The following PRKAR1B variants were observed in gnomAD, a reference collection of about 807,000 sequenced individuals.
PRKAR1B encodes the protein cAMP-dependent protein kinase type I-beta regulatory subunit.
PRKAR1B carries 22 observed loss-of-function variants against 46.5 expected under a neutral mutation model. That is an observed-to-expected ratio of 0.47 (90% CI 0.34 to 0.68). The LOEUF (loss-of-function observed/expected upper bound fraction) is 0.68, where lower values mean the gene tolerates loss of function less well. Among genes scored for constraint, PRKAR1B ranks in the 30% least tolerant of loss-of-function variants. The probability of loss-of-function intolerance (pLI) is 0.01; values close to 1 mark genes in which losing one functional copy is unlikely to be tolerated. For missense variants in PRKAR1B, 445 were observed against 535.6 expected, an observed-to-expected ratio of 0.83 and a Z score of 1.67; for synonymous variants, 259 against 217.7, an observed-to-expected ratio of 1.19 and a Z score of -1.67.
At chr7:606,767 CGTGTGTGTGTGT>C (rs71546453) in intron 5 of PRKAR1B, among the ~76,000 whole-genome samples, 1 of 148,280 alleles carries the variant, frequency 6.7e-6, no homozygotes, top group South Asian at 2.2e-4. Flanking sequence ...GAATTTTATG[CGTGTGTGTGTGT>C]GTGTGTGTGT....
chr7:559,447 G>T (rs2128424272), intron 9 of PRKAR1B, among the ~76,000 whole-genome samples: 1 of 152,324 alleles, frequency 6.6e-6, no homozygotes. Flanking sequence ...TCTCAGGGCT[G>T]GTGGTCGCAC....
At chr7:563,532 G>A (rs1322390379) in intron 9 of PRKAR1B, among the ~76,000 whole-genome samples, 2 of 152,262 alleles carry the variant, frequency 1.3e-5, no homozygotes, top group Non-Finnish European at 2.9e-5. Context: ...TCTGCACGCT[G>A]GGTGTGTGTG....
intron 9 of PRKAR1B, among the ~76,000 whole-genome samples, chr7:554,853 C>T (rs1401740859): frequency 1.3e-5 from 2 of 152,118 alleles, no homozygotes; most frequent in African/African-American, 2.4e-5. Context: ...CCACGGATCC[C>T]ACAGAGCCGG....
chr7:665,996 C>T (rs538166665), intron 4 of PRKAR1B, among the ~76,000 whole-genome samples: 3 of 152,342 alleles, frequency 2.0e-5, no homozygotes, highest in African/African-American at 7.2e-5. Flanking sequence ...GGAAGGCCGC[C>T]TCAAGGGTGA....
intron 6 of PRKAR1B, among the ~76,000 whole-genome samples, chr7:596,796 C>T (rs1352100808): frequency 6.6e-6 from 1 of 152,250 alleles, no homozygotes; most frequent in Non-Finnish European, 1.5e-5. Flanking sequence ...TCCTCTGTCC[C>T]CACCTCCACC....
chr7:722,916 G>C (rs1229615677), intron 1 of PRKAR1B, among the ~76,000 whole-genome samples: 1 of 151,104 alleles, frequency 6.6e-6, no homozygotes, highest in Admixed American at 6.6e-5. Context: ...TGTTTTTGTG[G>C]TCTGTCATTC....
chr7:673,927 C>T (rs997347645), intron 4 of PRKAR1B, among the ~76,000 whole-genome samples: 6 of 152,230 alleles, frequency 3.9e-5, no homozygotes, highest in Non-Finnish European at 7.3e-5. Context: ...CGGCCCTCCT[C>T]GGCGTGTGCC....
intron 7 of PRKAR1B, among the ~76,000 whole-genome samples, chr7:587,100 AT>A (rs1480078507): frequency 6.6e-6 from 1 of 152,038 alleles, no homozygotes; most frequent in Non-Finnish European, 1.5e-5. Flanking sequence ...TTAACCAGGA[AT>A]TTATCCCACC....
At chr7:691,252 C>A (rs1352223745) in intron 2 of PRKAR1B, among the ~76,000 whole-genome samples, 1 of 152,226 alleles carries the variant, frequency 6.6e-6, no homozygotes, top group Non-Finnish European at 1.5e-5. Context: ...CCCGAAGGGT[C>A]CCGCGCCCAC....
At chr7:726,275 G>A (rs1781270450) in intron 1 of PRKAR1B, among the ~76,000 whole-genome samples, 2 of 152,218 alleles carry the variant, frequency 1.3e-5, no homozygotes, top group South Asian at 2.1e-4. Context: ...CCAGTCCACA[G>A]AACCAGCGTC....
intron 1 of PRKAR1B, among the ~76,000 whole-genome samples, chr7:715,930 T>C (rs1027901691): frequency 1.3e-5 from 2 of 152,176 alleles, no homozygotes; most frequent in African/African-American, 4.8e-5. Flanking sequence ...TTAGCCAGGA[T>C]GGTCTCGGTC....
At chr7:678,891 G>C (rs1050783788) in intron 3 of PRKAR1B, among the ~76,000 whole-genome samples, 1 of 152,124 alleles carries the variant, frequency 6.6e-6, no homozygotes, top group Non-Finnish European at 1.5e-5. Context: ...TTCAAGACCC[G>C]CCTGGCCAAC....
chr7:688,429 T>C (rs1779223808), intron 2 of PRKAR1B, among the ~76,000 whole-genome samples: 1 of 150,922 alleles, frequency 6.6e-6, no homozygotes, highest in Admixed American at 6.6e-5. Flanking sequence ...ACAAGACAGA[T>C]TGCACACTCC....
intron 9 of PRKAR1B, among the ~76,000 whole-genome samples, chr7:554,033 C>A (rs1210220156): frequency 6.6e-6 from 1 of 152,260 alleles, no homozygotes; most frequent in Non-Finnish European, 1.5e-5. Flanking sequence ...AGGGAAGACT[C>A]CGTGGGCCCC....
At chr7:617,702 C>A (rs1782905392) in intron 4 of PRKAR1B, among the ~76,000 whole-genome samples, 1 of 152,210 alleles carries the variant, frequency 6.6e-6, no homozygotes, top group Non-Finnish European at 1.5e-5. Flanking sequence ...ATCTGTTTCC[C>A]CCGTCCTGGC....
At chr7:592,856 G>T (rs963756969) in intron 7 of PRKAR1B, among the ~76,000 whole-genome samples, 1 of 152,096 alleles carries the variant, frequency 6.6e-6, no homozygotes, top group Non-Finnish European at 1.5e-5. Flanking sequence ...GGCATAGTGA[G>T]ACCAGGTCTC....
At chr7:577,469 G>A (rs1281959671) in intron 9 of PRKAR1B, among the ~76,000 whole-genome samples, 1 of 152,076 alleles carries the variant, frequency 6.6e-6, no homozygotes, top group Non-Finnish European at 1.5e-5. Context: ...GAGGGCCGGA[G>A]ACATGGGGAA....
In PRKAR1B at chr7:636,353, TCCTCCACCGGCCGC is replaced by T. The variant is rs1562579165; in HGVS notation, c.441-28915_441-28902del. On this transcript the variant is annotated intron_variant, in intron 4 of 10. Coordinates refer to ENST00000537384, the MANE Select transcript of PRKAR1B (RefSeq NM_001164760.2). ...GTCCTCCACCGGCCGCGCCCACACGTCCTCCACCGGCCGCGCCCACACGTCCTCCACCGGCCGCG... is the reference window on the plus strand; with the variant it reads ...GTCCTCCACCGGCCGCGCCCACACGTGCCCACACGTCCTCCACCGGCCGCG... Among the ~76,000 whole-genome samples, 95 of 25,202 alleles carry T rather than the reference TCCTCCACCGGCCGC, an allele frequency of 3.8e-3. 3 individuals carry two copies. The highest frequency in any genetic ancestry group is 0.037 in the Middle Eastern group (2 of 54). 16.5% of individuals were successfully genotyped at this position (25,202 alleles called of 152,430 possible).
At chr7:711,629 A>T (rs1395507541) in intron 1 of PRKAR1B, 102 bp from the exon 2 acceptor site, 20 of 1,041,570 alleles carry the variant, frequency 1.9e-5, no homozygotes, top group African/African-American at 4.8e-5. Context: ...GGAGCGTGGA[A>T]GAAAGTCACT....
Sources: allele counts gnomAD v4.1 joint callset (sites outside exome capture counted in the v4.1 genomes callset), GRCh38; gene constraint gnomAD v4.1.1; transcripts MANE v1.5; gene names NCBI Gene and HGNC (gene_info 2026-07-23, HGNC 2026-07-21).